ADAM23: variants seen among roughly 807,000 people sequenced by gnomAD.
ADAM23 encodes the protein ADAM metallopeptidase domain 23.
Under a neutral mutation model 120.1 loss-of-function variants are expected in ADAM23, and 33 were observed. The observed-to-expected ratio is 0.27, with a 90% CI of 0.21 to 0.37. The LOEUF (loss-of-function observed/expected upper bound fraction) is 0.37, where lower values mean the gene tolerates loss of function less well. ADAM23 is among the 10% of genes least tolerant of loss of function. The probability of loss-of-function intolerance (pLI) is 1.00; values close to 1 mark genes in which losing one functional copy is unlikely to be tolerated. For synonymous variants in ADAM23, 367 were observed against 375.2 expected (o/e 0.98, Z 0.25); for missense variants, 862 against 1,058.2 (o/e 0.81, Z 2.57).
chr2:206,495,358 A>G (rs1696220820), intron 3 of ADAM23, among the ~76,000 whole-genome samples: 1 of 151,990 alleles, frequency 6.6e-6, no homozygotes, highest in African/African-American at 2.4e-5. Flanking sequence ...ACATTCTTAA[A>G]GAAAAGAATT....
At chr2:206,605,871 G>A (rs777582014) in intron 24 of ADAM23, 43 of 679,474 alleles carry the variant, frequency 6.3e-5, no homozygotes, top group Non-Finnish European at 2.1e-5. Flanking sequence ...GGCACAGGGT[G>A]GGGAATAGAG....
intron 3 of ADAM23, among the ~76,000 whole-genome samples, chr2:206,483,974 G>C (rs1695951519): frequency 6.6e-6 from 1 of 152,168 alleles, no homozygotes; most frequent in African/African-American, 2.4e-5. Context: ...CAAGTTGGCA[G>C]AGCAAGTTAA....
chr2:206,602,720 A>G (rs945186815), intron 24 of ADAM23, among the ~76,000 whole-genome samples: 4 of 152,204 alleles, frequency 2.6e-5, no homozygotes, highest in Admixed American at 6.5e-5. Context: ...CTGAAGCATG[A>G]CATGTCTATA....
At chr2:206,468,731 T>C (rs1341163583) in intron 2 of ADAM23, among the ~76,000 whole-genome samples, 1 of 152,230 alleles carries the variant, frequency 6.6e-6, no homozygotes, top group Non-Finnish European at 1.5e-5. Flanking sequence ...TCACTCTTGG[T>C]ACCAATTTTC....
intron 18 of ADAM23, among the ~76,000 whole-genome samples, chr2:206,583,202 C>T (rs899265411): frequency 3.9e-5 from 6 of 152,176 alleles, no homozygotes; most frequent in African/African-American, 1.4e-4. Flanking sequence ...TGCTTGTAAT[C>T]CCAGCACTTT....
chr2:206,530,621 G>A (rs368087270), intron 3 of ADAM23, among the ~76,000 whole-genome samples: 7,736 of 95,934 alleles, frequency 0.081, no homozygotes, highest in Middle Eastern at 0.1. Context: ...GTCTCAAAAA[G>A]AAAAAAAAAA....
intron 3 of ADAM23, among the ~76,000 whole-genome samples, chr2:206,499,508 G>GAGGA (rs111650516): frequency 0.084 from 10,795 of 127,918 alleles, 526 homozygotes; most frequent in Admixed American, 0.16. Flanking sequence ...TGGGGGGAGG[G>GAGGA]GGGATAGCAT....
At chr2:206,451,703 C>G (rs1448097946) in intron 2 of ADAM23, among the ~76,000 whole-genome samples, 1 of 152,180 alleles carries the variant, frequency 6.6e-6, no homozygotes, top group East Asian at 1.9e-4. Context: ...GAATCCAGGT[C>G]TTCCCTTTGC....
At chr2:206,461,054 TTTC>T (rs533591206) in intron 2 of ADAM23, among the ~76,000 whole-genome samples, 7 of 151,888 alleles carry the variant, frequency 4.6e-5, no homozygotes, top group South Asian at 4.1e-4. Flanking sequence ...TTTCATTCTT[TTTC>T]TTCTTCTTTT....
chr2:206,467,704 C>A (rs1005993425), intron 2 of ADAM23, among the ~76,000 whole-genome samples: 1 of 152,186 alleles, frequency 6.6e-6, no homozygotes, highest in Non-Finnish European at 1.5e-5. Context: ...AGGCAGTACC[C>A]CAGTGGGGAC....
intron 6 of ADAM23, 23 bp downstream of exon 6, chr2:206,543,339 C>G (rs376065204): frequency 3.7e-6 from 6 of 1,601,358 alleles, no homozygotes; most frequent in South Asian, 3.3e-5. Flanking sequence ...CATCAGTTGC[C>G]TGATGGCGTT....
At chr2:206,522,750 A>G (rs1696868641) in intron 3 of ADAM23, among the ~76,000 whole-genome samples, 1 of 152,224 alleles carries the variant, frequency 6.6e-6, no homozygotes, top group Non-Finnish European at 1.5e-5. Flanking sequence ...GTGATGTGTA[A>G]CTATGTGCAG....
At chr2:206,500,400 AT>A (rs1696363342) in intron 3 of ADAM23, among the ~76,000 whole-genome samples, 1 of 152,198 alleles carries the variant, frequency 6.6e-6, no homozygotes, top group African/African-American at 2.4e-5. Flanking sequence ...GTAGTTAGCC[AT>A]GATAATGGAT....
At chr2:206,607,832 G>T (rs73983053) in intron 24 of ADAM23, 7,410 of 282,114 alleles carry the variant, frequency 0.026, 530 homozygotes, top group African/African-American at 0.16. Flanking sequence ...ACATTTCTTA[G>T]TTTAATTGAT....
At chr2:206,469,277 G>A (rs1342294488) in intron 2 of ADAM23, among the ~76,000 whole-genome samples, 1 of 152,146 alleles carries the variant, frequency 6.6e-6, no homozygotes, top group Non-Finnish European at 1.5e-5. Flanking sequence ...TCCTTCTCCT[G>A]CAATTTTCCC....
At chr2:206,516,915 A>G (rs564837100) in intron 3 of ADAM23, among the ~76,000 whole-genome samples, 1 of 152,198 alleles carries the variant, frequency 6.6e-6, no homozygotes, top group African/African-American at 2.4e-5. Context: ...AGGGCAGACA[A>G]CTTCTTCTGA....
At chr2:206,560,410 A>G (rs1344698176) in intron 11 of ADAM23, among the ~76,000 whole-genome samples, 3 of 150,512 alleles carry the variant, frequency 2.0e-5, no homozygotes, top group African/African-American at 4.9e-5. Context: ...CGGGCATGAC[A>G]TGTGGGGAGA....
chr2:206,537,089 C>T (rs1415670601), intron 4 of ADAM23, among the ~76,000 whole-genome samples: 1 of 152,134 alleles, frequency 6.6e-6, no homozygotes, highest in Non-Finnish European at 1.5e-5. Flanking sequence ...GTCATAGTTC[C>T]TGTTCTAGGT....
At chr2:206,599,939 C>A (rs752649337) in intron 24 of ADAM23, among the ~76,000 whole-genome samples, 1 of 152,192 alleles carries the variant, frequency 6.6e-6, no homozygotes, top group Admixed American at 6.5e-5. Flanking sequence ...CGGTGGCTCA[C>A]GCCTGTAATC....
Sources: gnomAD v4.1 joint callset for allele counts (sites outside exome capture counted in the v4.1 genomes callset) on GRCh38, gnomAD v4.1.1 for gene constraint, MANE v1.5 for transcripts, NCBI Gene and HGNC (gene_info 2026-07-23, HGNC 2026-07-21) for gene names.